The following EVA1C variants were observed in gnomAD, a reference collection of about 807,000 sequenced individuals.
The protein encoded by EVA1C is eva-1 homolog C.
In EVA1C, 25 loss-of-function variants were observed where a neutral mutation model predicts 45.4. That is an observed-to-expected ratio of 0.55 (90% CI 0.40 to 0.77). EVA1C has a LOEUF of 0.77. Among genes scored for constraint, EVA1C ranks in the 30% least tolerant of loss-of-function variants. The pLI is 0.00. For missense variants in EVA1C, 479 were observed against 554.8 expected, an observed-to-expected ratio of 0.86 and a Z score of 1.37; for synonymous variants, 190 against 221.2, an observed-to-expected ratio of 0.86 and a Z score of 1.25.
intron 7 of EVA1C, among the ~76,000 whole-genome samples, chr21:32,514,489 A>G (rs1198501589): frequency 3.3e-5 from 5 of 152,234 alleles, no homozygotes; most frequent in Admixed American, 3.3e-4. Context: ...ACTAAGGCAC[A>G]GAAAGGTTAT....
intron 5 of EVA1C, chr21:32,497,312 T>C: frequency 1.5e-6 from 1 of 655,412 alleles, no homozygotes; most frequent in Non-Finnish European, 2.7e-6. Context: ...AGAAAGTTGA[T>C]ATAGGTGGAC....
chr21:32,466,702 C>G (rs1244581898), intron 3 of EVA1C, among the ~76,000 whole-genome samples: 2 of 152,134 alleles, frequency 1.3e-5, no homozygotes, highest in African/African-American at 4.8e-5. Context: ...CTGGATTTAC[C>G]AGATTTGGGG....
intron 4 of EVA1C, among the ~76,000 whole-genome samples, chr21:32,492,588 T>C (rs1178073221): frequency 1.3e-5 from 2 of 152,118 alleles, no homozygotes; most frequent in Admixed American, 6.6e-5. Context: ...CTCCCTGACC[T>C]ATGCTTCTTC....
chr21:32,453,663 T>C (rs1216506911), intron 2 of EVA1C, among the ~76,000 whole-genome samples, 155 bp downstream of exon 2: 1 of 152,220 alleles, frequency 6.6e-6, no homozygotes, highest in East Asian at 1.9e-4. Flanking sequence ...GTTTTGTAGG[T>C]GAGCTATTAT....
chr21:32,507,477 T>G (rs990918078), intron 7 of EVA1C, among the ~76,000 whole-genome samples: 1 of 151,614 alleles, frequency 6.6e-6, no homozygotes, highest in Non-Finnish European at 1.5e-5. Context: ...TGTGTGCATG[T>G]GTGTATGCGT....
Position 32,466,647 on chromosome 21 carries a change from A to T in EVA1C, c.482-1049A>T, listed in dbSNP as rs143718960. Among the ~76,000 whole-genome samples the T allele has an allele frequency of 6.4e-3, 971 of 152,260 alleles. 16 individuals are homozygous for T. Among genetic ancestry groups the T allele is most frequent in the Admixed American group, 0.035 (541 of 15,288 alleles). On this transcript the variant is annotated intron_variant, in intron 3 of 7. Coordinates refer to ENST00000300255, the MANE Select transcript of EVA1C (RefSeq NM_058187.5). The stretch of plus-strand genomic sequence containing the variant: ...GGAACAAAGCACTACCTGGTCCAAA[A>T]CATCCTAACCTAGAATGCACCATCA...
intron 7 of EVA1C, among the ~76,000 whole-genome samples, chr21:32,513,855 A>G (rs1175262298): frequency 6.6e-6 from 1 of 152,030 alleles, no homozygotes; most frequent in African/African-American, 2.4e-5. Context: ...TTTGTATTTT[A>G]TATTACAGTT....
In EVA1C at chr21:32,495,087, G is replaced by A; in HGVS notation, c.695G>A (p.Cys232Tyr). 1 of 1,614,124 alleles carries A rather than the reference G, an allele frequency of 6.2e-7. No homozygotes were observed. Among genetic ancestry groups the A allele is most frequent in the Non-Finnish European group, 8.5e-7 (1 of 1,180,010 alleles). Reference sequence around the variant, plus strand: ...CGAAGGTGCTATGGGAAGCAGAGATGCAAAATCATCGTCAACAATCACCAT... The same window carrying A: ...CGAAGGTGCTATGGGAAGCAGAGATACAAAATCATCGTCAACAATCACCAT... The part of the protein sequence containing the change: ...LSRRCYGKQR[C>Y]KIIVNNHHFG... Residue 232 changes from cysteine to tyrosine, a missense_variant, in exon 5 of 8, where the codon TGC becomes TAC. Transcript: ENST00000300255.
intron 6 of EVA1C, 32 bp downstream of exon 6, chr21:32,501,527 C>A: frequency 1.3e-6 from 2 of 1,591,552 alleles, no homozygotes; most frequent in Non-Finnish European, 1.7e-6. Context: ...CAGCATTTCT[C>A]TTTAAGTAAA....
intron 1 of EVA1C, among the ~76,000 whole-genome samples, chr21:32,451,568 G>A (rs1008075929): frequency 6.6e-6 from 1 of 152,144 alleles, no homozygotes; most frequent in African/African-American, 2.4e-5. Flanking sequence ...CCTTTCCTAA[G>A]CTTGGGTGGC....
At chr21:32,502,708 T>C (rs561199112) in intron 6 of EVA1C, among the ~76,000 whole-genome samples, 72 of 152,358 alleles carry the variant, frequency 4.7e-4, no homozygotes, top group South Asian at 2.5e-3. Flanking sequence ...AATGTTCTTC[T>C]GTGTCCTTCT....
chr21:32,427,144 A>T (rs1431119996), intron 1 of EVA1C, among the ~76,000 whole-genome samples: 1 of 152,210 alleles, frequency 6.6e-6, no homozygotes, highest in Non-Finnish European at 1.5e-5. Context: ...CTCAGATTAA[A>T]AAACTGAAGC....
intron 1 of EVA1C, among the ~76,000 whole-genome samples, chr21:32,418,741 G>A (rs987434678): frequency 8.8e-5 from 12 of 135,782 alleles, no homozygotes; most frequent in African/African-American, 3.8e-4. Flanking sequence ...TTGGGGGTAG[G>A]GAGGAGCAAG....
chr21:32,445,324 A>C (rs1378801994), intron 1 of EVA1C, among the ~76,000 whole-genome samples: 1 of 152,250 alleles, frequency 6.6e-6, no homozygotes, highest in African/African-American at 2.4e-5. Context: ...CCCATTCCAC[A>C]TCTGTGGATA....
intron 5 of EVA1C, among the ~76,000 whole-genome samples, chr21:32,496,400 T>C (rs547597494): frequency 4.1e-4 from 63 of 152,362 alleles, no homozygotes; most frequent in African/African-American, 1.5e-3. Flanking sequence ...ACTAAAAATG[T>C]TGTTCTCTGC....
At chr21:32,440,940 A>C (rs1159117840) in intron 1 of EVA1C, among the ~76,000 whole-genome samples, 2 of 152,126 alleles carry the variant, frequency 1.3e-5, no homozygotes, top group Non-Finnish European at 2.9e-5. Flanking sequence ...GTCTTTATTA[A>C]AAATACAAAA....
Position 32,470,319 on chromosome 21 carries a change from T to C in EVA1C, c.634+2471T>C, listed in dbSNP as rs77918020. ...TGCCTCCCAAATGCGAAGCCCCGTA[T>C]TCCGGGAAGGCCCTTGTGTCGAGAA... On this transcript the variant is annotated intron_variant, in intron 4 of 7. Coordinates refer to ENST00000300255, the MANE Select transcript of EVA1C (RefSeq NM_058187.5). 1.7e-3 allele frequency among the ~76,000 whole-genome samples: 261 copies of C among 152,326 alleles called. 3 individuals carry two copies. Among genetic ancestry groups the C allele is most frequent in the African/African-American group, 6.1e-3 (254 of 41,582 alleles).
Position 32,416,548 on chromosome 21 carries a change from C to T in EVA1C, c.160+3535C>T, listed in dbSNP as rs945048035. Reference sequence around the variant, plus strand: ...TTCACCATTTTGGCCAGGCTGGTCTCGAACTCCTGACCTCAAGTGATCCAC... The same window carrying T: ...TTCACCATTTTGGCCAGGCTGGTCTTGAACTCCTGACCTCAAGTGATCCAC... On this transcript the variant is annotated intron_variant, in intron 1 of 7. Transcript: ENST00000300255. Among the ~76,000 whole-genome samples the T allele has an allele frequency of 5.3e-5, 8 of 151,986 alleles. No individual in the cohort carries two copies. In the South Asian group the frequency reaches 6.2e-4, roughly 12 times the overall value.
chr21:32,424,543 AT>A (rs2034414095), intron 1 of EVA1C, among the ~76,000 whole-genome samples: 2 of 152,210 alleles, frequency 1.3e-5, no homozygotes, highest in South Asian at 4.1e-4. Context: ...AGGGATTGTC[AT>A]TTTAAACACT....
Sources: allele counts gnomAD v4.1 joint callset (sites outside exome capture counted in the v4.1 genomes callset), GRCh38; gene constraint gnomAD v4.1.1; transcripts MANE v1.5; gene names NCBI Gene and HGNC (gene_info 2026-07-23, HGNC 2026-07-21).